KCNIP1: variants seen among roughly 807,000 people sequenced by gnomAD.
The protein encoded by KCNIP1 is potassium voltage-gated channel interacting protein 1.
In KCNIP1, 18 loss-of-function variants were observed where a neutral mutation model predicts 33.0. The ratio of observed to expected loss-of-function variants is 0.55; its 90% confidence interval spans 0.38 to 0.81. The LOEUF (loss-of-function observed/expected upper bound fraction) is 0.81. Ranked by LOEUF, KCNIP1 falls within the 30% of genes least tolerant of loss-of-function variation. KCNIP1 has a pLI of 0.00. For synonymous variants in KCNIP1, 93 were observed against 98.3 expected, an observed-to-expected ratio of 0.95 and a Z score of 0.32; for missense variants, 238 against 271.6, an observed-to-expected ratio of 0.88 and a Z score of 0.87.
chr5:170,438,952 T>G (rs932553428), intron 1 of KCNIP1, among the ~76,000 whole-genome samples: 3 of 152,134 alleles, frequency 2.0e-5, no homozygotes, highest in African/African-American at 7.2e-5. Flanking sequence ...TCGGGTACCT[T>G]TCACCATTTC....
At chr5:170,497,249 T>G (rs1757327374) in intron 1 of KCNIP1, among the ~76,000 whole-genome samples, 1 of 152,202 alleles carries the variant, frequency 6.6e-6, no homozygotes, top group East Asian at 1.9e-4. Context: ...TCATGAGCCT[T>G]GCAACCTCCC....
intron 1 of KCNIP1, among the ~76,000 whole-genome samples, chr5:170,514,508 A>T (rs1197380036): frequency 6.6e-6 from 1 of 152,172 alleles, no homozygotes; most frequent in Non-Finnish European, 1.5e-5. Context: ...CACTAAAATA[A>T]TCAGGTCCTC....
intron 1 of KCNIP1, among the ~76,000 whole-genome samples, chr5:170,396,187 G>A (rs1754758004): frequency 6.6e-6 from 1 of 152,228 alleles, no homozygotes. Context: ...GGAAACCACA[G>A]GGAACAGTGA....
chr5:170,657,498 T>C (rs1761318863), intron 1 of KCNIP1, among the ~76,000 whole-genome samples: 1 of 152,172 alleles, frequency 6.6e-6, no homozygotes. Context: ...TGGGCCTCTA[T>C]GGGCCCTCCA....
At chr5:170,374,912 T>C (rs1160148744) in intron 1 of KCNIP1, 1 of 152,134 alleles carries the variant, frequency 6.6e-6, no homozygotes, top group Admixed American at 6.5e-5. Context: ...TCATTAATAA[T>C]TTATGGGACA....
In KCNIP1 at chr5:170,483,945, G is replaced by C. The variant is rs1757029645; in HGVS notation, c.88+129981G>C. 4 of 152,230 alleles carry C rather than the reference G, an allele frequency of 2.6e-5. 1 individual carries two copies. Among genetic ancestry groups the C allele is most frequent in the Admixed American group, 2.0e-4 (3 of 15,288 alleles). 9.4% of individuals were successfully genotyped at this position (152,230 alleles called of 1,614,324 possible). Reference sequence around the variant, plus strand: ...TGGGGGAATTGAGTTGTGGCCAGAAGGGAGAGAGAGTGTCCATTCTCCACC... The same window carrying C: ...TGGGGGAATTGAGTTGTGGCCAGAACGGAGAGAGAGTGTCCATTCTCCACC... On this transcript the variant is annotated intron_variant, in intron 1 of 7. Transcript: ENST00000377360.
intron 1 of KCNIP1, among the ~76,000 whole-genome samples, chr5:170,469,317 C>G (rs553609164): frequency 3.9e-5 from 6 of 152,274 alleles, no homozygotes; most frequent in African/African-American, 1.4e-4. Context: ...ATCACTTGAG[C>G]CCAGGAATTC....
At chr5:170,436,989 T>C (rs1755880871) in intron 1 of KCNIP1, among the ~76,000 whole-genome samples, 1 of 152,236 alleles carries the variant, frequency 6.6e-6, no homozygotes, top group Non-Finnish European at 1.5e-5. Context: ...TTGTGTGACA[T>C]GGGAGCCTTG....
At chr5:170,407,839 G>C (rs1755075477) in intron 1 of KCNIP1, among the ~76,000 whole-genome samples, 1 of 152,180 alleles carries the variant, frequency 6.6e-6, no homozygotes. Context: ...AAATTATACT[G>C]TTTGCTCAAA....
At chr5:170,385,331 C>A (rs1156861962) in intron 1 of KCNIP1, 3 of 1,614,090 alleles carry the variant, frequency 1.9e-6, no homozygotes, top group Non-Finnish European at 2.5e-6. Flanking sequence ...GGTAGAGGGG[C>A]AGCACAGTCG....
intron 1 of KCNIP1, among the ~76,000 whole-genome samples, chr5:170,635,938 C>A (rs913506905): frequency 1.3e-5 from 2 of 152,104 alleles, no homozygotes; most frequent in African/African-American, 4.8e-5. Flanking sequence ...GTGGCCAGGC[C>A]CTGGGTATAT....
chr5:170,526,704 C>T (rs1228314285), intron 1 of KCNIP1, among the ~76,000 whole-genome samples: 2 of 148,838 alleles, frequency 1.3e-5, no homozygotes, highest in Non-Finnish European at 3.0e-5. Context: ...TCACCCATAC[C>T]TTTTATCTGA....
Position 170,415,627 on chromosome 5 carries a change from C to G in KCNIP1, c.88+61663C>G, listed in dbSNP as rs185790284. 1.7e-3 allele frequency among the ~76,000 whole-genome samples: 262 copies of G among 152,304 alleles called. 1 individual carries two copies. Among genetic ancestry groups the G allele is most frequent in the African/African-American group, 6.2e-3 (259 of 41,564 alleles). On this transcript the variant is annotated intron_variant, in intron 1 of 7. Transcript: ENST00000377360. ...TGGTCCACACCAGTGTCAGGCCCAC[C>G]GTCCTATCAACCCTCCAGGCTCATG...
intron 5 of KCNIP1, among the ~76,000 whole-genome samples, chr5:170,723,874 C>T (rs2113879090): frequency 6.6e-6 from 1 of 152,296 alleles, no homozygotes; most frequent in African/African-American, 2.4e-5. Context: ...GGAACAGCCA[C>T]TAGAGAGGCT....
intron 1 of KCNIP1, among the ~76,000 whole-genome samples, chr5:170,597,924 T>C (rs1758524153): frequency 6.6e-6 from 1 of 151,744 alleles, no homozygotes; most frequent in South Asian, 2.1e-4. Context: ...CCGAATCCGA[T>C]TTCAAAAGCT....
intron 1 of KCNIP1, among the ~76,000 whole-genome samples, chr5:170,374,237 T>TA (rs914043754): frequency 6.6e-6 from 1 of 152,172 alleles, no homozygotes; most frequent in Non-Finnish European, 1.5e-5. Flanking sequence ...TGCATTATTT[T>TA]AAATCTGCAT....
At position 170,390,740 on chromosome 5, in the gene KCNIP1, C is replaced by T. The variant is rs183545732; in HGVS notation, c.88+36776C>T. On this transcript the variant is annotated intron_variant, in intron 1 of 7. Transcript: ENST00000377360. Reference sequence around the variant, plus strand: ...AAGCTGGCCCTTCCAGATGGCACAGCTTGGTCTGTCTCTGATGACCCTGGG... The same window carrying T: ...AAGCTGGCCCTTCCAGATGGCACAGTTTGGTCTGTCTCTGATGACCCTGGG... Among the ~76,000 whole-genome samples, 351 of 151,754 alleles carry T rather than the reference C, an allele frequency of 2.3e-3. 2 individuals are homozygous for T. The highest frequency in any genetic ancestry group is 8.3e-3 in the African/African-American group (342 of 41,256).
chr5:170,538,358 T>C (rs1345170232), intron 1 of KCNIP1, among the ~76,000 whole-genome samples: 1 of 152,168 alleles, frequency 6.6e-6, no homozygotes, highest in African/African-American at 2.4e-5. Flanking sequence ...CAATGGATGG[T>C]AAATATTCTA....
At chr5:170,610,235 C>T (rs1200484951) in intron 1 of KCNIP1, among the ~76,000 whole-genome samples, 1 of 152,186 alleles carries the variant, frequency 6.6e-6, no homozygotes, top group Non-Finnish European at 1.5e-5. Context: ...GTACGAACCA[C>T]TTATGTTAGA....
Sources: gnomAD v4.1 joint callset for allele counts (sites outside exome capture counted in the v4.1 genomes callset) on GRCh38, gnomAD v4.1.1 for gene constraint, MANE v1.5 for transcripts, NCBI Gene and HGNC (gene_info 2026-07-23, HGNC 2026-07-21) for gene names.